FBXL17: variants seen among roughly 807,000 people sequenced by gnomAD.
FBXL17 encodes F-box and leucine rich repeat protein 17.
In FBXL17, 22 loss-of-function variants were observed where a neutral mutation model predicts 66.2. The ratio of observed to expected loss-of-function variants is 0.33; its 90% confidence interval spans 0.24 to 0.47. The LOEUF is 0.47. Among genes scored for constraint, FBXL17 ranks in the 20% least tolerant of loss-of-function variants. The pLI, the probability that FBXL17 is intolerant of heterozygous loss-of-function variation, is 1.00. For missense variants in FBXL17, 878 were observed against 948.2 expected, an observed-to-expected ratio of 0.93 and a Z score of 0.97; for synonymous variants, 474 against 400.5, an observed-to-expected ratio of 1.18 and a Z score of -2.19.
intron 5 of FBXL17, among the ~76,000 whole-genome samples, chr5:108,222,143 A>T (rs1754892604): frequency 6.6e-6 from 1 of 152,208 alleles, no homozygotes; most frequent in South Asian, 2.1e-4. Context: ...GTGTTTTATC[A>T]CAGAGAATAA....
intron 6 of FBXL17, among the ~76,000 whole-genome samples, chr5:108,158,797 G>A (rs773065852): frequency 3.3e-5 from 5 of 152,168 alleles, no homozygotes; most frequent in African/African-American, 9.7e-5. Context: ...ACTAGGCTCA[G>A]TAGGAAGTTT....
chr5:107,929,476 T>C (rs183023085), intron 7 of FBXL17, among the ~76,000 whole-genome samples: 1 of 152,196 alleles, frequency 6.6e-6, no homozygotes, highest in Non-Finnish European at 1.5e-5. Flanking sequence ...AGGATATATG[T>C]GTGTGCAATA....
intron 7 of FBXL17, among the ~76,000 whole-genome samples, chr5:107,936,858 AAC>A (rs2112583325): frequency 6.6e-6 from 1 of 152,272 alleles, no homozygotes; most frequent in South Asian, 2.1e-4. Context: ...TATAAATTAC[AAC>A]AGAAACAAGA....
At chr5:108,168,190 T>A (rs541034876) in intron 6 of FBXL17, among the ~76,000 whole-genome samples, 1 of 152,334 alleles carries the variant, frequency 6.6e-6, no homozygotes, top group African/African-American at 2.4e-5. Flanking sequence ...TCAAAAGTTG[T>A]TGATTTTCCC....
At chr5:107,949,621 C>T (rs1751433625) in intron 7 of FBXL17, among the ~76,000 whole-genome samples, 4 of 152,140 alleles carry the variant, frequency 2.6e-5, no homozygotes, top group South Asian at 2.1e-4. Flanking sequence ...GAAAGTTTTA[C>T]GTACAGGCTG....
At chr5:107,917,475 CA>C (rs1750169261) in intron 7 of FBXL17, among the ~76,000 whole-genome samples, 1 of 152,114 alleles carries the variant, frequency 6.6e-6, no homozygotes. Context: ...GTGCCTTCCA[CA>C]AGTCTGCTTC....
intron 8 of FBXL17, chr5:107,879,190 T>C (rs1748702619): frequency 1.0e-6 from 1 of 985,334 alleles, no homozygotes; most frequent in African/African-American, 1.7e-5. Context: ...ATCTAAAGAT[T>C]ACAGGTTAGA....
chr5:108,115,567 C>G (rs1035135150), intron 6 of FBXL17, among the ~76,000 whole-genome samples: 10 of 150,982 alleles, frequency 6.6e-5, no homozygotes, highest in Admixed American at 6.0e-4. Flanking sequence ...ACACTCAGTT[C>G]AAGCTGCTGG....
chr5:108,144,758 A>G (rs903794851), intron 6 of FBXL17, among the ~76,000 whole-genome samples: 2 of 152,182 alleles, frequency 1.3e-5, no homozygotes, highest in African/African-American at 4.8e-5. Flanking sequence ...TTCTCCAACT[A>G]AATTAAATCA....
rs147978182 is a variant in FBXL17 at position 108,061,738 on chromosome 5, G to A, written c.1746-40737C>T. Among the ~76,000 whole-genome samples, 316 of 152,216 alleles carry A rather than the reference G, an allele frequency of 2.1e-3. 1 individual carries two copies. The highest frequency in any genetic ancestry group is 3.8e-3 in the Non-Finnish European group (260 of 68,016). ...ACAATTTTGTTACTCGTCAAGAGAA[G>A]TATATAAACTGATATCTAGGTCCAA... On this transcript the variant is annotated intron_variant, in intron 6 of 8. Coordinates refer to ENST00000542267, the MANE Select transcript of FBXL17 (RefSeq NM_001163315.3).
chr5:108,313,786 C>T (rs1759232155), intron 4 of FBXL17, among the ~76,000 whole-genome samples: 1 of 151,898 alleles, frequency 6.6e-6, no homozygotes. Context: ...TCATTTAATG[C>T]ACATCAGTTC....
intron 7 of FBXL17, among the ~76,000 whole-genome samples, chr5:107,962,667 A>C (rs1751965739): frequency 6.6e-6 from 1 of 151,884 alleles, no homozygotes; most frequent in South Asian, 2.1e-4. Context: ...ATAACAGGGC[A>C]AGCGTTAAAA....
intron 4 of FBXL17, among the ~76,000 whole-genome samples, chr5:108,312,215 A>T (rs192240380): frequency 1.1e-4 from 16 of 152,308 alleles, no homozygotes; most frequent in Admixed American, 6.5e-4. Context: ...CCTAGAAAGA[A>T]TAAGCATCCC....
chr5:108,364,873 T>C lies in FBXL17; in HGVS notation c.1239A>G (p.Gly413=). The C allele has an allele frequency of 6.2e-7, 1 of 1,613,092 alleles. No homozygotes were observed. Among genetic ancestry groups the C allele is most frequent in the Non-Finnish European group, 8.5e-7 (1 of 1,179,380 alleles). ...ACCTGTAGGCTGTATACCTAAGAAG[T>C]CCAGGACATTTAAATGCTAAAACAC... ...GVCVLAFKCP[G]LLRYTAYRCK... Residue 413 remains glycine (G), a synonymous_variant, in exon 3 of 9, where the codon GGA becomes GGG. Transcript: ENST00000542267.
At chr5:107,876,539 G>C (rs1241534857) in intron 8 of FBXL17, among the ~76,000 whole-genome samples, 1 of 152,060 alleles carries the variant, frequency 6.6e-6, no homozygotes. Context: ...TTTCCACCAC[G>C]ACACTTTTAT....
intron 4 of FBXL17, among the ~76,000 whole-genome samples, chr5:108,243,533 A>G (rs1427015346): frequency 6.6e-6 from 1 of 152,172 alleles, no homozygotes; most frequent in Non-Finnish European, 1.5e-5. Context: ...GAAGAAAGAG[A>G]GAAGTTAAAG....
chr5:108,210,778 G>A (rs1754335406), intron 5 of FBXL17, among the ~76,000 whole-genome samples: 1 of 152,210 alleles, frequency 6.6e-6, no homozygotes, highest in African/African-American at 2.4e-5. Context: ...TGAGAAGAAT[G>A]TATATTCTGT....
At chr5:108,107,211 A>G (rs1749834011) in intron 6 of FBXL17, among the ~76,000 whole-genome samples, 1 of 151,948 alleles carries the variant, frequency 6.6e-6, no homozygotes, top group South Asian at 2.1e-4. Flanking sequence ...AGCTGGGATT[A>G]CAGGCATGTG....
At chr5:107,983,465 A>G (rs1404301669) in intron 7 of FBXL17, among the ~76,000 whole-genome samples, 1 of 152,006 alleles carries the variant, frequency 6.6e-6, no homozygotes, top group Non-Finnish European at 1.5e-5. Flanking sequence ...AAGTGTTGAG[A>G]TAACAGGCAT....
Sources: allele counts gnomAD v4.1 joint callset (sites outside exome capture counted in the v4.1 genomes callset), GRCh38; gene constraint gnomAD v4.1.1; transcripts MANE v1.5; gene names NCBI Gene and HGNC (gene_info 2026-07-23, HGNC 2026-07-21).